ARID2: variants seen among roughly 807,000 people sequenced by gnomAD.
The protein encoded by ARID2 is AT-rich interactive domain-containing protein 2.
In ARID2, 32 loss-of-function variants were observed where a neutral mutation model predicts 184.6. That is an observed-to-expected ratio of 0.17 (90% CI 0.13 to 0.23). ARID2 has a LOEUF of 0.23. Ranked by LOEUF, ARID2 falls within the 10% of genes least tolerant of loss-of-function variation. ARID2 has a pLI of 1.00. For missense variants in ARID2, 1,696 were observed against 2,197.6 expected (o/e 0.77, Z 4.56); for synonymous variants, 836 against 772.6 (o/e 1.08, Z -1.36).
chr12:45,749,152 A>C (rs967490510), intron 3 of ARID2, among the ~76,000 whole-genome samples: 21 of 152,220 alleles, frequency 1.4e-4, no homozygotes, highest in African/African-American at 4.8e-4. Flanking sequence ...GTATTTCTTA[A>C]GTAATAGACT....
chr12:45,899,270 CAAAAAAAAAAAAAA>C (rs774912363), intron 20 of ARID2, among the ~76,000 whole-genome samples: 2 of 46,334 alleles, frequency 4.3e-5, no homozygotes, highest in African/African-American at 2.9e-4. Context: ...GACTCTGTCT[CAAAAAAAAAAAAAA>C]AAAAAAAAAA....
At chr12:45,797,175 T>C (rs1472046109) in intron 3 of ARID2, among the ~76,000 whole-genome samples, 2 of 152,190 alleles carry the variant, frequency 1.3e-5, no homozygotes, top group African/African-American at 2.4e-5. Context: ...TCTAGGCTAT[T>C]GTTTATCATT....
intron 3 of ARID2, among the ~76,000 whole-genome samples, chr12:45,770,005 A>G (rs1941838838): frequency 1.3e-5 from 2 of 152,190 alleles, no homozygotes; most frequent in Non-Finnish European, 2.9e-5. Flanking sequence ...CTGTAATCCT[A>G]CCACTTTGGG....
intron 3 of ARID2, among the ~76,000 whole-genome samples, chr12:45,771,829 G>A (rs1941883567): frequency 6.6e-6 from 1 of 151,866 alleles, no homozygotes. Flanking sequence ...TTGAAGCCAC[G>A]GGAACAAGGA....
intron 20 of ARID2, among the ~76,000 whole-genome samples, chr12:45,898,430 A>T (rs1195283639): frequency 1.3e-5 from 2 of 152,220 alleles, no homozygotes; most frequent in Non-Finnish European, 2.9e-5. Context: ...TTAAAATAGT[A>T]CGTTTTATGT....
At chr12:45,885,259 G>A (rs1036518781) in intron 16 of ARID2, among the ~76,000 whole-genome samples, 1 of 151,870 alleles carries the variant, frequency 6.6e-6, no homozygotes, top group Non-Finnish European at 1.5e-5. Flanking sequence ...AGATGCCAAG[G>A]GTTGAGGTAC....
chr12:45,854,054 G>A (rs928578163), intron 15 of ARID2, among the ~76,000 whole-genome samples: 2 of 152,146 alleles, frequency 1.3e-5, no homozygotes, highest in African/African-American at 4.8e-5. Flanking sequence ...TGTCAGATCA[G>A]TGGCAGCATT....
intron 3 of ARID2, among the ~76,000 whole-genome samples, chr12:45,740,832 A>G (rs893972368): frequency 6.6e-6 from 1 of 152,174 alleles, no homozygotes; most frequent in Admixed American, 6.5e-5. Flanking sequence ...CAAAAGTACT[A>G]TAAAGTTTGG....
rs112172777 is a variant in ARID2 at position 45,739,827 on chromosome 12, A to G, written c.284+8513A>G. Among the ~76,000 whole-genome samples the G allele has an allele frequency of 6.9e-3, 1,050 of 152,310 alleles. 10 individuals carry two copies. Among genetic ancestry groups the G allele is most frequent in the Non-Finnish European group, 0.01 (705 of 68,004 alleles). On this transcript the variant is annotated intron_variant, in intron 3 of 20. Transcript: ENST00000334344. ...TCAGTGGGAACATTCTTCTATTACA[A>G]TAGGTCAAGGAAGAGACCATAGCTA...
At chr12:45,755,764 C>T (rs1941557526) in intron 3 of ARID2, among the ~76,000 whole-genome samples, 1 of 152,100 alleles carries the variant, frequency 6.6e-6, no homozygotes, top group Non-Finnish European at 1.5e-5. Flanking sequence ...GCACTTCTCT[C>T]TGAATAATTT....
intron 16 of ARID2, among the ~76,000 whole-genome samples, chr12:45,873,648 T>A (rs1025871851): frequency 6.6e-6 from 1 of 152,206 alleles, no homozygotes; most frequent in African/African-American, 2.4e-5. Context: ...ATAAAGCAAG[T>A]CACATAAATA....
intron 3 of ARID2, among the ~76,000 whole-genome samples, chr12:45,785,928 A>G (rs1942189379): frequency 6.6e-6 from 1 of 152,152 alleles, no homozygotes; most frequent in South Asian, 2.1e-4. Flanking sequence ...ATGGACCAGT[A>G]GTGGTCTGTG....
At chr12:45,868,552 TGCTTA>T (rs1355442584) in intron 16 of ARID2, among the ~76,000 whole-genome samples, 42 of 152,262 alleles carry the variant, frequency 2.8e-4, no homozygotes, top group Admixed American at 2.7e-3. Flanking sequence ...TTTCATGTCG[TGCTTA>T]GAAAGACCTT....
chr12:45,787,853 T>A (rs1942224997), intron 3 of ARID2, among the ~76,000 whole-genome samples: 1 of 152,114 alleles, frequency 6.6e-6, no homozygotes, highest in Admixed American at 6.6e-5. Context: ...TAGGCAAGAT[T>A]TAAGGATTCA....
chr12:45,884,488 A>G (rs945822171), intron 16 of ARID2, among the ~76,000 whole-genome samples: 19 of 152,250 alleles, frequency 1.2e-4, no homozygotes, highest in African/African-American at 4.6e-4. Context: ...CTACTGTTTC[A>G]GCCCAATATT....
chr12:45,751,626 C>A (rs1393390588), intron 3 of ARID2, among the ~76,000 whole-genome samples: 1 of 152,192 alleles, frequency 6.6e-6, no homozygotes, highest in Admixed American at 6.5e-5. Context: ...AAGGTGATTT[C>A]TTCATTGTTT....
intron 3 of ARID2, among the ~76,000 whole-genome samples, chr12:45,769,827 A>G (rs1356997534): frequency 6.6e-6 from 1 of 152,218 alleles, no homozygotes; most frequent in Non-Finnish European, 1.5e-5. Context: ...GAACCCCAAT[A>G]AAATTAATAA....
intron 8 of ARID2, 25 bp downstream of exon 8, chr12:45,837,016 C>T (rs2138128932): frequency 6.3e-7 from 1 of 1,598,518 alleles, no homozygotes; most frequent in Non-Finnish European, 8.5e-7. Flanking sequence ...GTACCTTAAA[C>T]TAGTTTTTAT....
chr12:45,730,780 T>G (rs1940974657), intron 2 of ARID2, among the ~76,000 whole-genome samples: 1 of 150,472 alleles, frequency 6.6e-6, no homozygotes, highest in African/African-American at 2.5e-5. Flanking sequence ...TGGAGATGGA[T>G]AGATCTGGGA....
Sources: gnomAD v4.1 joint callset for allele counts (sites outside exome capture counted in the v4.1 genomes callset) on GRCh38, gnomAD v4.1.1 for gene constraint, MANE v1.5 for transcripts, NCBI Gene and HGNC (gene_info 2026-07-23, HGNC 2026-07-21) for gene names.